The following PSG1 variants were observed in gnomAD, a reference collection of about 807,000 sequenced individuals.
PSG1 encodes the protein pregnancy-specific beta-1-glycoprotein 1.
PSG1 carries 60 observed loss-of-function variants against 41.4 expected under a neutral mutation model. That is an observed-to-expected ratio of 1.45 (90% CI 1.18 to 1.80). PSG1 has a LOEUF of 1.80. Ranked by LOEUF, PSG1 falls within the 40% of genes most tolerant of loss-of-function variation. PSG1 has a pLI of 0.00. For missense variants in PSG1, 806 were observed against 516.9 expected (o/e 1.56, Z -5.42); for synonymous variants, 256 against 192.9 (o/e 1.33, Z -2.71).
chr19:42,876,073 G>A (rs1971591243), intron 2 of PSG1, among the ~76,000 whole-genome samples: 1 of 151,394 alleles, frequency 6.6e-6, no homozygotes, highest in African/African-American at 2.4e-5. Flanking sequence ...TGGGAGGTGG[G>A]CCAGGCCACA....
Position 42,876,692 on chromosome 19 carries a change from T to G in PSG1, c.430+1221A>C, listed in dbSNP as rs967495575. The G allele has an allele frequency of 6.9e-5, 13 of 189,592 alleles. 3 individuals are homozygous for G. Among genetic ancestry groups the G allele is most frequent in the East Asian group, 4.4e-4 (3 of 6,888 alleles). The allele number at this position is 189,592 out of a possible 1,614,324, so 11.7% of individuals were successfully genotyped here. A position where few individuals can be genotyped will look rare whatever the true frequency, so the allele number is the denominator to read the frequency against. On this transcript the variant is annotated intron_variant, in intron 2 of 5. Coordinates refer to ENST00000436291, the MANE Select transcript of PSG1 (RefSeq NM_001184825.2). ...CACAGGATTTCAGGTTCAGTGATGG[T>G]GGTTAAGATCTGAGGAGGAGGCCTG...
chr19:42,872,331 C>T (rs956916577), intron 2 of PSG1, among the ~76,000 whole-genome samples: 4 of 151,636 alleles, frequency 2.6e-5, no homozygotes, highest in African/African-American at 9.7e-5. Flanking sequence ...CCTGGTGCCT[C>T]TGTGTGTCCC....
intron 5 of PSG1, chr19:42,867,677 C>T (rs749390347): frequency 1.3e-6 from 1 of 772,796 alleles, no homozygotes; most frequent in South Asian, 1.4e-5. Flanking sequence ...CTGGGGCAGT[C>T]AGGTAGAAAG....
At chr19:42,869,312 T>A in intron 3 of PSG1, 1 of 679,870 alleles carries the variant, frequency 1.5e-6, no homozygotes, top group Non-Finnish European at 2.3e-6. Flanking sequence ...TCACAGCCCC[T>A]GGTACCCTTC....
At chr19:42,867,813 T>A (rs1971196555) in intron 5 of PSG1, 2 of 1,274,506 alleles carry the variant, frequency 1.6e-6, no homozygotes, top group Admixed American at 4.7e-5. Flanking sequence ...AATCAGCAAA[T>A]TTTCAAATAA....
At position 42,871,217 on chromosome 19, in the gene PSG1, C is replaced by A. The variant is rs555820245; in HGVS notation, c.709+550G>T. Among the ~76,000 whole-genome samples, 6 of 151,750 alleles carry A rather than the reference C, an allele frequency of 4.0e-5. No homozygotes were observed. In the East Asian group the frequency reaches 1.2e-3, roughly 29 times the overall value. On this transcript the variant is annotated intron_variant, in intron 3 of 5. Transcript: ENST00000436291. ...TTTTAGTGATTTGGGGTATAAAGAA[C>A]ACTTGTGTTGATTGCTGGAACTTCC...
Position 42,872,378 on chromosome 19 carries a change from C to T in PSG1, c.431-333G>A, listed in dbSNP as rs143389427. Among the ~76,000 whole-genome samples, 3 of 151,768 alleles carry T rather than the reference C, an allele frequency of 2.0e-5. No homozygotes were observed. In the East Asian group the frequency reaches 5.8e-4, roughly 30 times the overall value. Reference sequence around the variant, plus strand: ...CTGCCTGCCTGGCCCACCTTGTGGTCCTCACTTGGAGCATGCAGTGCTGGA... The same window carrying T: ...CTGCCTGCCTGGCCCACCTTGTGGTTCTCACTTGGAGCATGCAGTGCTGGA... On this transcript the variant is annotated intron_variant, in intron 2 of 5. Coordinates refer to ENST00000436291, the MANE Select transcript of PSG1 (RefSeq NM_001184825.2).
rs755719879 is a variant in PSG1 at position 42,878,107 on chromosome 19, A to C, written c.236T>G (p.Ile79Ser). Residue 79 changes from isoleucine (I) to serine (S), a missense_variant, in exon 2 of 6, where the codon ATT becomes AGT. Coordinates refer to ENST00000436291, the MANE Select transcript of PSG1 (RefSeq NM_001184825.2). Reference sequence around the variant, plus strand: ...TTCACCGTCTACTACATATGATGTAATGTAATGGTAGAGGTCCCTCATTTG... The same window carrying C: ...TTCACCGTCTACTACATATGATGTACTGTAATGGTAGAGGTCCCTCATTTG... Reference protein sequence around the residue: ...KGQMRDLYHYITSYVVDGEII... With the variant: ...KGQMRDLYHYSTSYVVDGEII... 1 of 1,612,286 alleles carries C rather than the reference A, an allele frequency of 6.2e-7. No homozygotes were observed. Among genetic ancestry groups the C allele is most frequent in the East Asian group, 2.2e-5 (1 of 44,800 alleles).
chr19:42,874,839 C>A (rs187820232), intron 2 of PSG1, among the ~76,000 whole-genome samples: 1 of 151,014 alleles, frequency 6.6e-6, no homozygotes, highest in African/African-American at 2.4e-5. Flanking sequence ...AGAGTCCACT[C>A]AGAGATGGAG....
At chr19:42,879,266 C>A (rs1723765647) in intron 1 of PSG1, among the ~76,000 whole-genome samples, 2 of 150,688 alleles carry the variant, frequency 1.3e-5, no homozygotes, top group South Asian at 4.2e-4. Context: ...GATTCTCCTG[C>A]CTCAGCCTCC....
Position 42,877,925 on chromosome 19 carries a change from A to C in PSG1, c.418T>G (p.Phe140Val), listed in dbSNP as rs747040462. The change falls in exon 2 of 6, where the codon TTC (phenylalanine) becomes GTC (valine). Residue 140 changes from phenylalanine (F) to valine (V), a missense_variant. Coordinates refer to ENST00000436291, the MANE Select transcript of PSG1 (RefSeq NM_001184825.2). The stretch of plus-strand genomic sequence containing the variant: ...TGGAATCACTTACGGTGTAAGGTGA[A>C]GGTGAAACGTCCAGTTACTCCTCTA... ...GTRGVTGRFTFTLHLETPKPS... is the reference protein window; with the variant it reads ...GTRGVTGRFTVTLHLETPKPS... 6.8e-6 allele frequency: 11 copies of C among 1,612,074 alleles called. No homozygotes were observed. The African/African-American group carries it at 1.3e-4, about 20-fold the overall frequency.
intron 1 of PSG1, 41 bp downstream of exon 1, chr19:42,879,477 G>C: frequency 2.5e-6 from 4 of 1,603,750 alleles, no homozygotes; most frequent in Non-Finnish European, 3.4e-6. Flanking sequence ...CAGTCACTCT[G>C]CTTCCTCCTC....
chr19:42,871,604 C>T (rs1971386578), intron 3 of PSG1, among the ~76,000 whole-genome samples, 163 bp downstream of exon 3: 1 of 151,568 alleles, frequency 6.6e-6, no homozygotes, highest in Admixed American at 6.6e-5. Context: ...GTTGATGAAG[C>T]CTAGGTCTAC....
rs1206520843 is a variant in PSG1 at position 42,870,957 on chromosome 19, G to A, written c.709+810C>T. Among the ~76,000 whole-genome samples, 17 of 151,684 alleles carry A rather than the reference G, an allele frequency of 1.1e-4. 1 individual carries two copies. The East Asian group carries it at 3.1e-3, about 28-fold the overall frequency. ...GATCTAGAAAGAGTGAAGGGGACAG[G>A]CAAAAGCTGGTGGTTTTGGAGTAGA... On this transcript the variant is annotated intron_variant, in intron 3 of 5. Coordinates refer to ENST00000436291, the MANE Select transcript of PSG1 (RefSeq NM_001184825.2).
intron 2 of PSG1, among the ~76,000 whole-genome samples, chr19:42,873,436 C>G (rs188725458): frequency 1.3e-4 from 20 of 151,518 alleles, no homozygotes; most frequent in African/African-American, 4.8e-4. Context: ...TGTAATTTTT[C>G]CGTAAAAATT....
chr19:42,868,059 C>G lies in PSG1; in HGVS notation c.1243+42G>C, dbSNP rs372028848. Reference sequence around the variant, plus strand: ...CTCTTCTCTGAATGCCAGATAGACTCCACCTAAAACCCTATTGCCAACGAT... The same window carrying G: ...CTCTTCTCTGAATGCCAGATAGACTGCACCTAAAACCCTATTGCCAACGAT... On this transcript the variant is annotated intron_variant, in intron 5 of 5. Transcript: ENST00000436291. 1.5e-4 allele frequency: 246 copies of G among 1,611,966 alleles called. 10 individuals carry two copies. The highest frequency in any genetic ancestry group is 2.0e-4 in the Non-Finnish European group (236 of 1,179,046).
chr19:42,871,732 G>A (rs199903535), intron 3 of PSG1, 35 bp downstream of exon 3: 6 of 1,612,464 alleles, frequency 3.7e-6, no homozygotes, highest in Non-Finnish European at 5.1e-6. Context: ...ATTTGGGATG[G>A]CAGCCTGGCT....
intron 2 of PSG1, among the ~76,000 whole-genome samples, chr19:42,872,909 T>A (rs1286144927): frequency 2.0e-5 from 3 of 151,792 alleles, no homozygotes; most frequent in Non-Finnish European, 4.4e-5. Context: ...AGTCTGGCCC[T>A]CATGGACCAT....
chr19:42,879,667 C>G lies in PSG1; in HGVS notation c.-86G>C. On this transcript the variant is annotated 5_prime_UTR_variant, in exon 1 of 6. Transcript: ENST00000436291. ...GAGCACGGCTGTCAGCTGTGCTGTC[C>G]TTCCTCTTTCTGTGCTGAGCCTCTT... is the stretch of plus-strand genomic sequence containing the variant. 1 of 1,555,980 alleles carries G rather than the reference C, an allele frequency of 6.4e-7. No individual in the cohort carries two copies. Among genetic ancestry groups the G allele is most frequent in the Non-Finnish European group, 8.8e-7 (1 of 1,140,190 alleles).
Sources: allele counts gnomAD v4.1 joint callset (sites outside exome capture counted in the v4.1 genomes callset), GRCh38; gene constraint gnomAD v4.1.1; transcripts MANE v1.5; gene names NCBI Gene and HGNC (gene_info 2026-07-23, HGNC 2026-07-21).